MINK1: variants seen among roughly 807,000 people sequenced by gnomAD.
MINK1 encodes the protein misshapen like kinase 1, also known as misshapen-like kinase 1.
MINK1 carries 46 observed loss-of-function variants against 178.4 expected under a neutral mutation model. That is an observed-to-expected ratio of 0.26 (90% CI 0.20 to 0.33). MINK1 has a LOEUF of 0.33. Ranked by LOEUF, MINK1 falls within the 10% of genes least tolerant of loss-of-function variation. The pLI is 1.00. For missense variants in MINK1, 1,366 were observed against 1,814.9 expected (o/e 0.75, Z 4.49); for synonymous variants, 797 against 709.7 (o/e 1.12, Z -1.96).
chr17:4,892,765 G>A lies in MINK1; in HGVS notation c.2308G>A (p.Gly770Arg). ...QAGSLERNRV[G>R]VSSKPDSSPV... is the part of the protein sequence containing the mutation. ...TGGCTCACTGGAGCGGAACCGCGTGGGAGGTATGTGAGCCAGGGCTGGGCA... is the reference window on the plus strand; with the variant it reads ...TGGCTCACTGGAGCGGAACCGCGTGAGAGGTATGTGAGCCAGGGCTGGGCA... The change falls in exon 19 of 32, where the codon GGA becomes AGA. Residue 770 changes from glycine (G) to arginine (R), a missense_variant. By Grantham distance (125) the Gly-to-Arg change is moderately radical. Around this residue, in one of 14 missense-constraint regions of MINK1, gnomAD observed 709 missense variants for 692.3 expected, o/e 1.02. Transcript: ENST00000355280. The A allele has an allele frequency of 1.2e-6, 2 of 1,604,128 alleles. No individual in the cohort carries two copies. Among genetic ancestry groups the A allele is most frequent in the South Asian group, 1.1e-5 (1 of 89,868 alleles).
At chr17:4,859,410 T>A in intron 1 of MINK1, 1 of 688,100 alleles carries the variant, frequency 1.5e-6, no homozygotes, top group Non-Finnish European at 1.8e-6. Flanking sequence ...CATATGTAAC[T>A]TCTCAGGATG....
intron 1 of MINK1, among the ~76,000 whole-genome samples, chr17:4,850,519 G>GC (rs34173368): frequency 0.64 from 93,344 of 144,766 alleles, 31,511 homozygotes; most frequent in Non-Finnish European, 0.75. Flanking sequence ...CTTCCTGCTG[G>GC]CCCCCCCCGC....
chr17:4,875,453 C>T (rs1320777159), intron 1 of MINK1: 2 of 453,574 alleles, frequency 4.4e-6, no homozygotes, highest in East Asian at 7.0e-5. Flanking sequence ...CCCACCTGGG[C>T]AACAGAGCGA....
intron 12 of MINK1, among the ~76,000 whole-genome samples, chr17:4,889,033 A>G (rs1411417077): frequency 1.3e-5 from 2 of 152,232 alleles, no homozygotes; most frequent in South Asian, 2.1e-4. Context: ...TTACCTGGAG[A>G]AGGCCTGCTG....
rs1171126837 is a variant in MINK1, at chr17:4,892,136, C to T, written c.2002-13C>T. The T allele has an allele frequency of 6.3e-7, 1 of 1,583,168 alleles. No individual in the cohort carries two copies. Among genetic ancestry groups the T allele is most frequent in the African/African-American group, 1.3e-5 (1 of 74,196 alleles). On this transcript the variant is annotated splice_polypyrimidine_tract_variant and intron_variant, in intron 16 of 31. Transcript: ENST00000355280. Reference sequence around the variant, plus strand: ...GCAGCGCCAGCTCGCAGCACGTGGACTTCTCTCCACAGGTGCCTCAGAGGA... The same window carrying T: ...GCAGCGCCAGCTCGCAGCACGTGGATTTCTCTCCACAGGTGCCTCAGAGGA...
At position 4,835,522 on chromosome 17, in the gene MINK1, G is replaced by T. The variant is rs377750090; in HGVS notation, c.57+1882G>T. 1.7e-4 allele frequency among the ~76,000 whole-genome samples: 26 copies of T among 152,310 alleles called. No homozygotes were observed. In the East Asian group the frequency reaches 4.0e-3, roughly 24 times the overall value. The stretch of plus-strand genomic sequence containing the variant: ...CACACCTGTGATCCCAGCTACTCAG[G>T]AGGCTGAGGCAGGAGAACTGCTTGA... On this transcript the variant is annotated intron_variant, in intron 1 of 31. Coordinates refer to ENST00000355280, the MANE Select transcript of MINK1 (RefSeq NM_153827.5).
In MINK1 at chr17:4,891,401, A is replaced by G. The variant is rs531997438; in HGVS notation, c.1741-55A>G. ...TTTCCCACCCCAGACCCCAATTCGC[A>G]GGTGGGGATGTGCCATGGAGCAGGC... On this transcript the variant is annotated intron_variant, in intron 15 of 31. Transcript: ENST00000355280. 4 of 1,508,448 alleles carry G rather than the reference A, an allele frequency of 2.7e-6. No individual in the cohort carries two copies. The African/African-American group carries it at 4.2e-5, about 16-fold the overall frequency. The allele number at this position is 1,508,448 out of a possible 1,614,324, so 93.4% of individuals were successfully genotyped here.
intron 1 of MINK1, chr17:4,875,629 G>T (rs1420695745): frequency 2.8e-6 from 1 of 360,976 alleles, no homozygotes; most frequent in African/African-American, 2.1e-5. Context: ...AAAATTAGCT[G>T]GGCGTGGTGG....
At chr17:4,857,020 G>T in intron 1 of MINK1, 1 of 183,726 alleles carries the variant, frequency 5.4e-6, no homozygotes. Context: ...AGTCGGGGCT[G>T]CTGGGCAGTG....
Position 4,894,970 on chromosome 17 carries a change from T to G in MINK1, c.2918-105T>G. 1.6e-6 allele frequency: 2 copies of G among 1,238,118 alleles called. No individual in the cohort carries two copies. 76.7% of individuals were successfully genotyped at this position (1,238,118 alleles called of 1,614,324 possible). On this transcript the variant is annotated intron_variant, in intron 24 of 31. Coordinates refer to ENST00000355280, the MANE Select transcript of MINK1 (RefSeq NM_153827.5). The surrounding 1 kb of genome is among the most constrained non-coding windows in gnomAD (Gnocchi z 4.1). ...CCTCTCCTCCTGTCTTTCTCCTCCTTTCTGCGTATTATGAGGTGCCAAGAC... is the reference window on the plus strand; with the variant it reads ...CCTCTCCTCCTGTCTTTCTCCTCCTGTCTGCGTATTATGAGGTGCCAAGAC...
intron 1 of MINK1, among the ~76,000 whole-genome samples, chr17:4,845,660 G>A (rs1910904902): frequency 6.6e-6 from 1 of 150,578 alleles, no homozygotes; most frequent in Admixed American, 6.6e-5. Context: ...TTTTGACAGA[G>A]AGTCTTGCTC....
chr17:4,893,279 C>G, intron 20 of MINK1, 155 bp from the exon 21 acceptor site: 1 of 1,613,928 alleles, frequency 6.2e-7, no homozygotes, highest in Non-Finnish European at 8.5e-7. Flanking sequence ...CCTGCGGCCC[C>G]TCCCAGAGCT....
At position 4,896,816 on chromosome 17, in the gene MINK1, G is replaced by A. The variant is rs1969550763; in HGVS notation, c.3915+3G>A. On this transcript the variant is annotated splice_donor_region_variant and intron_variant, in intron 31 of 31. Coordinates refer to ENST00000355280, the MANE Select transcript of MINK1 (RefSeq NM_153827.5). This position sits in a 1 kb window ranked among gnomAD's most constrained non-coding sequence, Gnocchi z 4.6. ...TCCTGTGTGAGCGGAATGACAAGGTGGGAGGCTCCTTCCCTCTGAAAGCCC... is the reference window on the plus strand; with the variant it reads ...TCCTGTGTGAGCGGAATGACAAGGTAGGAGGCTCCTTCCCTCTGAAAGCCC... 6.4e-7 allele frequency: 1 copy of A among 1,555,470 alleles called. No individual in the cohort carries two copies. The highest frequency in any genetic ancestry group is 1.2e-5 in the South Asian group (1 of 80,568).
intron 4 of MINK1, 37 bp from the exon 5 acceptor site, chr17:4,884,326 T>G: frequency 6.4e-7 from 1 of 1,564,022 alleles, no homozygotes; most frequent in Non-Finnish European, 8.8e-7. Flanking sequence ...CTTGTCTGAC[T>G]GATACTTTTC....
rs1163899260 is a variant in MINK1 at position 4,885,889 on chromosome 17, G to T, written c.640-22G>T. Reference sequence around the variant, plus strand: ...GCAGAGTTGTCAGGAATATTCACTTGTTCCTTCTTTCCCGTCTATAGAGTG... The same window carrying T: ...GCAGAGTTGTCAGGAATATTCACTTTTTCCTTCTTTCCCGTCTATAGAGTG... On this transcript the variant is annotated intron_variant, in intron 7 of 31. Transcript: ENST00000355280. The surrounding 1 kb of genome is among the most constrained non-coding windows in gnomAD (Gnocchi z 5.0). 3.7e-6 allele frequency: 6 copies of T among 1,612,698 alleles called. No individual in the cohort carries two copies. Among genetic ancestry groups the T allele is most frequent in the Non-Finnish European group, 5.1e-6 (6 of 1,178,912 alleles).
At chr17:4,851,253 A>G (rs1854920108) in intron 1 of MINK1, among the ~76,000 whole-genome samples, 1 of 152,146 alleles carries the variant, frequency 6.6e-6, no homozygotes, top group Non-Finnish European at 1.5e-5. Flanking sequence ...ACATCGGTGA[A>G]TTCTTGTGAA....
chr17:4,844,282 T>C lies in MINK1; in HGVS notation c.57+10642T>C, dbSNP rs1453074171. ...TCCCAAAGTGCTGGGATTACAAATG[T>C]GAGCCACCGTGCCCGGCCTGCCTGT... On this transcript the variant is annotated intron_variant, in intron 1 of 31. Coordinates refer to ENST00000355280, the MANE Select transcript of MINK1 (RefSeq NM_153827.5). Among the ~76,000 whole-genome samples, 5 of 152,194 alleles carry C rather than the reference T, an allele frequency of 3.3e-5. No homozygotes were observed. The East Asian group carries it at 9.6e-4, about 29-fold the overall frequency.
intron 1 of MINK1, among the ~76,000 whole-genome samples, chr17:4,877,076 G>C (rs1285049588): frequency 2.0e-5 from 3 of 148,954 alleles, no homozygotes; most frequent in Non-Finnish European, 3.0e-5. Flanking sequence ...GACAGAGTGA[G>C]ACTCAGTCTC....
chr17:4,864,514 T>C (rs113457177), intron 1 of MINK1, among the ~76,000 whole-genome samples: 11,297 of 151,390 alleles, frequency 0.075, 462 homozygotes, highest in Non-Finnish European at 0.094. Flanking sequence ...CACCTGAGGT[T>C]AGGAGTTCGA....
Sources: allele counts gnomAD v4.1 joint callset (sites outside exome capture counted in the v4.1 genomes callset), GRCh38; gene constraint gnomAD v4.1.1; regional missense constraint gnomAD v4.1.1; non-coding constraint Gnocchi (gnomAD v3.1); transcripts MANE v1.5; gene names NCBI Gene and HGNC (gene_info 2026-07-23, HGNC 2026-07-21).